XRCC5: variants seen among roughly 807,000 people sequenced by gnomAD.
XRCC5 encodes DNA repair protein Ku80.
A neutral mutation model predicts 95.7 loss-of-function variants in XRCC5; 12 were observed. That is an observed-to-expected ratio of 0.13 (90% CI 0.08 to 0.20). The LOEUF is 0.20. Ranked by LOEUF, XRCC5 falls within the 10% of genes least tolerant of loss-of-function variation. The pLI is 1.00. For synonymous variants in XRCC5, 281 were observed against 290.3 expected (o/e 0.97, Z 0.33); for missense variants, 595 against 873.9 (o/e 0.68, Z 4.02).
At chr2:216,139,352 G>T (rs893092032) in intron 12 of XRCC5, among the ~76,000 whole-genome samples, 7 of 152,080 alleles carry the variant, frequency 4.6e-5, no homozygotes, top group Non-Finnish European at 2.9e-5. Context: ...CAGAATCTTG[G>T]TGGGAGGCGA....
intron 13 of XRCC5, among the ~76,000 whole-genome samples, chr2:216,146,221 G>A (rs1688631895): frequency 6.6e-6 from 1 of 152,216 alleles, no homozygotes; most frequent in African/African-American, 2.4e-5. Context: ...GGTTGAAATG[G>A]GGAAGGGAGC....
At chr2:216,166,467 A>G (rs1312832528) in intron 16 of XRCC5, among the ~76,000 whole-genome samples, 1 of 152,140 alleles carries the variant, frequency 6.6e-6, no homozygotes, top group Non-Finnish European at 1.5e-5. Flanking sequence ...ATCATCTATC[A>G]GTTATGAAAG....
intron 14 of XRCC5, among the ~76,000 whole-genome samples, chr2:216,157,865 C>G (rs1470525459): frequency 6.6e-6 from 1 of 152,204 alleles, no homozygotes; most frequent in East Asian, 1.9e-4. Context: ...TTTCTACTTT[C>G]TAGAGCTTAG....
At chr2:216,124,583 T>G (rs1382945244) in intron 6 of XRCC5, among the ~76,000 whole-genome samples, 1 of 152,200 alleles carries the variant, frequency 6.6e-6, no homozygotes, top group African/African-American at 2.4e-5. Flanking sequence ...CCAAAGCCAT[T>G]GTGCACCATA....
intron 11 of XRCC5, among the ~76,000 whole-genome samples, chr2:216,137,495 T>C (rs951194614): frequency 2.6e-5 from 4 of 152,180 alleles, no homozygotes; most frequent in Non-Finnish European, 5.9e-5. Context: ...TAAGAATCTT[T>C]TTATTAAGTA....
intron 16 of XRCC5, among the ~76,000 whole-genome samples, chr2:216,168,788 A>G (rs1481436859): frequency 3.3e-5 from 5 of 152,278 alleles, no homozygotes; most frequent in African/African-American, 1.2e-4. Flanking sequence ...AGCAAGGCCA[A>G]GTGGACCCTA....
chr2:216,171,519 T>TA (rs1450816897), intron 16 of XRCC5, among the ~76,000 whole-genome samples: 2 of 152,214 alleles, frequency 1.3e-5, no homozygotes, highest in East Asian at 3.8e-4. Flanking sequence ...TAGTCATAAT[T>TA]AAAGGCCCGT....
At chr2:216,195,422 TTTC>T (rs1292306078) in intron 19 of XRCC5, among the ~76,000 whole-genome samples, 1 of 141,250 alleles carries the variant, frequency 7.1e-6, no homozygotes, top group Admixed American at 7.4e-5. Flanking sequence ...TGTTTCTTTC[TTTC>T]TTTTTTTTTT....
intron 5 of XRCC5, among the ~76,000 whole-genome samples, chr2:216,119,540 T>A (rs1421345530): frequency 6.6e-6 from 1 of 152,194 alleles, no homozygotes; most frequent in Non-Finnish European, 1.5e-5. Flanking sequence ...TTTTTTTTTC[T>A]TAAACAGCTC....
Position 216,141,560 on chromosome 2 carries a change from TTTTTTTC to T in XRCC5, c.1476+242_1476+248del, listed in dbSNP as rs1220798785. 5.8e-3 allele frequency among the ~76,000 whole-genome samples: 330 copies of T among 57,248 alleles called. 17 individuals are homozygous for T. The highest frequency in any genetic ancestry group is 0.048 in the East Asian group (123 of 2,588). 37.6% of individuals were successfully genotyped at this position (57,248 alleles called of 152,430 possible). On this transcript the variant is annotated intron_variant, in intron 13 of 20. Coordinates refer to ENST00000392132, the MANE Select transcript of XRCC5 (RefSeq NM_021141.4). ...CTTTTCTTTTTTTTTTTTTTTTTTTTTTTTTTCCTGGAAGAAGCTTACTTTAACAAAA... is the reference window on the plus strand; with the variant it reads ...CTTTTCTTTTTTTTTTTTTTTTTTTTCTGGAAGAAGCTTACTTTAACAAAA...
At chr2:216,161,943 T>A in intron 15 of XRCC5, 36 bp from the exon 16 acceptor site, 1 of 1,592,070 alleles carries the variant, frequency 6.3e-7, no homozygotes, top group African/African-American at 1.3e-5. Context: ...AAAAGAGAAA[T>A]AACCTGTAGG....
rs1279019852 is a variant in XRCC5, at chr2:216,190,268, T to G, written c.1878T>G (p.Thr626=). Residue 626 remains threonine (T), a synonymous_variant, in exon 17 of 21, where the codon ACT becomes ACG. Transcript: ENST00000392132. ...LINHIEQFLD[T]NETPYFMKSI... is the part of the protein sequence containing the mutation. ...ATCACATCGAACAGTTTTTGGATAC[T>G]AATGAAACACCGTATTTTATGAAGA... 6.2e-7 allele frequency: 1 copy of G among 1,613,938 alleles called. No individual in the cohort carries two copies. Among genetic ancestry groups the G allele is most frequent in the African/African-American group, 1.3e-5 (1 of 74,934 alleles).
At chr2:216,204,242 TG>T in intron 19 of XRCC5, 79 bp from the exon 20 acceptor site, 1 of 1,537,188 alleles carries the variant, frequency 6.5e-7, no homozygotes, top group Admixed American at 1.7e-5. Flanking sequence ...GGTTTTGCTG[TG>T]GCAATGCTAG....
chr2:216,115,249 G>A (rs1424019940), intron 2 of XRCC5, among the ~76,000 whole-genome samples: 2 of 152,110 alleles, frequency 1.3e-5, no homozygotes, highest in East Asian at 3.9e-4. Context: ...GATAACTGCC[G>A]ACTTACACCC....
rs748424702 is a variant in XRCC5 at position 216,138,137 on chromosome 2, A to G, written c.1300A>G (p.Met434Val). The change falls in exon 12 of 21, where the codon ATG becomes GTG. Residue 434 changes from methionine to valine, a missense_variant. By Grantham distance (21) the Met-to-Val change is conservative. Around this residue, in one of 2 missense-constraint regions of XRCC5, gnomAD observed 309 missense variants for 382.9 expected, o/e 0.81. Coordinates refer to ENST00000392132, the MANE Select transcript of XRCC5 (RefSeq NM_021141.4). ...LPFMEDLRQY[M>V]FSSLKNSKKY... The stretch of plus-strand genomic sequence containing the variant: ...TTTCATGGAAGACTTGCGGCAATAC[A>G]TGTTTTCATCCTTGAAAAACAGTAA... 16 of 1,613,390 alleles carry G rather than the reference A, an allele frequency of 9.9e-6. No individual in the cohort carries two copies. The highest frequency in any genetic ancestry group is 8.0e-5 in the African/African-American group (6 of 74,886).
intron 16 of XRCC5, among the ~76,000 whole-genome samples, chr2:216,179,736 C>T (rs999622631): frequency 3.9e-5 from 6 of 152,168 alleles, no homozygotes; most frequent in African/African-American, 1.2e-4. Context: ...AGTCAGAGAG[C>T]TGGCTGGGGT....
chr2:216,152,507 A>G (rs1001188805), intron 14 of XRCC5, among the ~76,000 whole-genome samples: 1 of 151,916 alleles, frequency 6.6e-6, no homozygotes, highest in African/African-American at 2.4e-5. Flanking sequence ...AGAACTCCGC[A>G]GTTTTGTGGC....
chr2:216,160,294 T>TTC lies in XRCC5; in HGVS notation c.1764+133_1764+134insTC, dbSNP rs1360219824. The TTC allele has an allele frequency of 5.6e-6, 3 of 537,414 alleles. No homozygotes were observed. The African/African-American group carries it at 5.9e-5, about 11-fold the overall frequency. 33.3% of individuals were successfully genotyped at this position (537,414 alleles called of 1,614,324 possible). The stretch of plus-strand genomic sequence containing the variant: ...CATGATCACTTTCTCTGGTCCTTGC[T>TTC]CTATAGAAGCCAAAAAGACCCATTC... On this transcript the variant is annotated intron_variant, in intron 15 of 20. Transcript: ENST00000392132.
chr2:216,112,894 T>G, intron 1 of XRCC5, 122 bp from the exon 2 acceptor site: 1 of 716,288 alleles, frequency 1.4e-6, no homozygotes, highest in Non-Finnish European at 2.4e-6. Context: ...GTAGAACACA[T>G]CCCTTTTTCA....
Sources: allele counts gnomAD v4.1 joint callset (sites outside exome capture counted in the v4.1 genomes callset), GRCh38; gene constraint gnomAD v4.1.1; regional missense constraint gnomAD v4.1.1; transcripts MANE v1.5; gene names NCBI Gene and HGNC (gene_info 2026-07-23, HGNC 2026-07-21).